Variants in PCDH15 observed in about 807,000 individuals in gnomAD.
PCDH15 encodes protocadherin-15.
A neutral mutation model predicts 178.5 loss-of-function variants in PCDH15; 129 were observed. The ratio of observed to expected loss-of-function variants is 0.72; its 90% confidence interval spans 0.63 to 0.84. The LOEUF is 0.84. PCDH15 is among the 40% of genes least tolerant of loss of function. The pLI, the probability that PCDH15 is intolerant of heterozygous loss-of-function variation, is 0.00. For missense variants in PCDH15, 2,230 were observed against 2,099.9 expected (o/e 1.06, Z -1.21); for synonymous variants, 800 against 732.0 (o/e 1.09, Z -1.50).
At chr10:55,157,646 T>C (rs1838926888) in intron 2 of PCDH15, among the ~76,000 whole-genome samples, 1 of 151,882 alleles carries the variant, frequency 6.6e-6, no homozygotes, top group African/African-American at 2.4e-5. Flanking sequence ...TGAGTTCATG[T>C]CCTTTGTAGG....
intron 2 of PCDH15, chr10:54,600,591 G>T: frequency 1.7e-6 from 1 of 591,524 alleles, no homozygotes; most frequent in South Asian, 1.4e-5. Flanking sequence ...CGAAGAGCAT[G>T]AAGAGACCTT....
At chr10:54,844,631 T>A (rs563069096) in intron 3 of PCDH15, among the ~76,000 whole-genome samples, 88 of 152,114 alleles carry the variant, frequency 5.8e-4, no homozygotes, top group African/African-American at 2.1e-3. Flanking sequence ...TTGCTTTTTT[T>A]TTGAATATTA....
At chr10:55,154,366 T>C (rs1210453029) in intron 2 of PCDH15, among the ~76,000 whole-genome samples, 1 of 152,148 alleles carries the variant, frequency 6.6e-6, no homozygotes, top group Non-Finnish European at 1.5e-5. Flanking sequence ...TGTATATGAA[T>C]GGAGAACCCT....
At chr10:54,162,247 C>T (rs1385571978) in intron 13 of PCDH15, among the ~76,000 whole-genome samples, 1 of 152,018 alleles carries the variant, frequency 6.6e-6, no homozygotes, top group Non-Finnish European at 1.5e-5. Context: ...TTCTTTCTTT[C>T]TCTTTTAAAC....
intron 2 of PCDH15, among the ~76,000 whole-genome samples, chr10:55,604,391 G>A (rs1188846549): frequency 3.8e-4 from 57 of 151,218 alleles, no homozygotes; most frequent in African/African-American, 6.3e-4. Flanking sequence ...TGCACCAAGC[G>A]GACCTAATAG....
At chr10:54,076,631 A>T (rs891169339) in intron 17 of PCDH15, among the ~76,000 whole-genome samples, 14 of 152,140 alleles carry the variant, frequency 9.2e-5, no homozygotes, top group South Asian at 4.1e-4. Flanking sequence ...GCTAAAAAAA[A>T]AATAAATTAC....
chr10:54,392,903 A>G (rs2135348800), intron 3 of PCDH15, among the ~76,000 whole-genome samples: 1 of 151,898 alleles, frequency 6.6e-6, no homozygotes, highest in South Asian at 2.1e-4. Context: ...AGGCTCAAAA[A>G]AAAAAAAAAA....
intron 2 of PCDH15, among the ~76,000 whole-genome samples, chr10:55,482,987 A>T (rs1273712325): frequency 6.6e-6 from 1 of 151,776 alleles, no homozygotes; most frequent in Admixed American, 6.6e-5. Flanking sequence ...AGAGCAATGA[A>T]AATGGACCCC....
intron 14 of PCDH15, among the ~76,000 whole-genome samples, chr10:54,135,856 G>C (rs1433620794): frequency 6.6e-6 from 1 of 152,088 alleles, no homozygotes; most frequent in East Asian, 1.9e-4. Context: ...CACATAATAA[G>C]TGGGAATAAT....
chr10:54,050,563 GTTCT>G lies in PCDH15; in HGVS notation c.2220+16190_2220+16193del, dbSNP rs150457371. Among the ~76,000 whole-genome samples, 1,224 of 151,948 alleles carry G rather than the reference GTTCT, an allele frequency of 8.1e-3. 18 individuals carry two copies. The highest frequency in any genetic ancestry group is 0.028 in the African/African-American group (1,152 of 41,470). On this transcript the variant is annotated intron_variant, in intron 18 of 37. Transcript: ENST00000644397. The stretch of plus-strand genomic sequence containing the variant: ...GATTTTGGGGCCTCAATTTAATTCA[GTTCT>G]TTCTGATTCTAGTTATTTGTTCTCT...
chr10:54,384,688 G>T (rs958236796), intron 3 of PCDH15, among the ~76,000 whole-genome samples: 3 of 152,076 alleles, frequency 2.0e-5, no homozygotes, highest in South Asian at 2.1e-4. Context: ...TTAAGCTTAT[G>T]AGTTAATAGA....
chr10:53,998,827 G>A (rs1045659500), intron 20 of PCDH15, among the ~76,000 whole-genome samples: 6 of 151,840 alleles, frequency 4.0e-5, no homozygotes, highest in Admixed American at 2.6e-4. Context: ...TGAGGTGGGC[G>A]GATCACCCAA....
At chr10:55,452,602 G>A (rs1839461055) in intron 2 of PCDH15, among the ~76,000 whole-genome samples, 1 of 151,906 alleles carries the variant, frequency 6.6e-6, no homozygotes, top group African/African-American at 2.4e-5. Context: ...TTCTTTTATG[G>A]TGTATACTCC....
At position 54,020,408 on chromosome 10, in the gene PCDH15, A is replaced by G; in HGVS notation, c.2535T>C (p.Asp845=). 1 of 1,613,736 alleles carries G rather than the reference A, an allele frequency of 6.2e-7. No homozygotes were observed. The highest frequency in any genetic ancestry group is 1.1e-5 in the South Asian group (1 of 91,070). Residue 845 remains aspartate (D), a synonymous_variant, in exon 20 of 38, where the codon GAT becomes GAC. Transcript: ENST00000644397. Reference sequence around the variant, plus strand: ...AAGACACATTTGCTCCAAGGTCGACATCTTTGGCCTGTAATAAGCAGAAGA... The same window carrying G: ...AAGACACATTTGCTCCAAGGTCGACGTCTTTGGCCTGTAATAAGCAGAAGA... The part of the protein sequence containing the change: ...GTTILQIEAK[D]VDLGANVSYR...
chr10:54,391,966 G>T (rs986156813), intron 3 of PCDH15, among the ~76,000 whole-genome samples: 9 of 152,124 alleles, frequency 5.9e-5, no homozygotes, highest in Admixed American at 4.6e-4. Context: ...TAAGTGATTG[G>T]CTTAGGAAAG....
chr10:54,456,019 C>G (rs1322250347), intron 3 of PCDH15, among the ~76,000 whole-genome samples: 1 of 152,142 alleles, frequency 6.6e-6, no homozygotes, highest in Non-Finnish European at 1.5e-5. Flanking sequence ...TATGGAAATG[C>G]CTGGATACCC....
chr10:53,881,994 T>A (rs2080754160), intron 26 of PCDH15, among the ~76,000 whole-genome samples: 1 of 151,924 alleles, frequency 6.6e-6, no homozygotes, highest in African/African-American at 2.4e-5. Context: ...ACTTGCTTTT[T>A]TTTTTTTTTT....
At chr10:54,372,655 G>A (rs560484555) in intron 4 of PCDH15, among the ~76,000 whole-genome samples, 85 of 151,774 alleles carry the variant, frequency 5.6e-4, no homozygotes, top group African/African-American at 1.7e-3. Flanking sequence ...CATAACTGGT[G>A]GCAAAAATAA....
intron 3 of PCDH15, among the ~76,000 whole-genome samples, chr10:54,411,406 A>G (rs1953494689): frequency 6.6e-6 from 1 of 152,206 alleles, no homozygotes; most frequent in Non-Finnish European, 1.5e-5. Flanking sequence ...TATAACTGTA[A>G]GCCCTTGTTC....
Sources: allele counts gnomAD v4.1 joint callset (sites outside exome capture counted in the v4.1 genomes callset), GRCh38; gene constraint gnomAD v4.1.1; transcripts MANE v1.5; gene names NCBI Gene and HGNC (gene_info 2026-07-23, HGNC 2026-07-21).